Variants in GPC5 observed in about 807,000 individuals in gnomAD.
The protein encoded by GPC5 is glypican 5.
A neutral mutation model predicts 53.9 loss-of-function variants in GPC5; 47 were observed. The ratio of observed to expected loss-of-function variants is 0.87; its 90% confidence interval spans 0.69 to 1.11. The LOEUF (loss-of-function observed/expected upper bound fraction) is 1.11. Ranked by LOEUF, GPC5 falls within the 50% of genes most tolerant of loss-of-function variation. The pLI, the probability that GPC5 is intolerant of heterozygous loss-of-function variation, is 0.00. For synonymous variants in GPC5, 286 were observed against 263.3 expected (o/e 1.09, Z -0.84); for missense variants, 748 against 713.1 (o/e 1.05, Z -0.56).
chr13:92,776,038 T>C (rs2138755038), intron 7 of GPC5, among the ~76,000 whole-genome samples: 1 of 152,312 alleles, frequency 6.6e-6, no homozygotes, highest in South Asian at 2.1e-4. Flanking sequence ...CACCACAAAC[T>C]TAGTGGCTTA....
At chr13:91,511,161 G>A (rs1885211968) in intron 2 of GPC5, among the ~76,000 whole-genome samples, 1 of 152,072 alleles carries the variant, frequency 6.6e-6, no homozygotes, top group Admixed American at 6.6e-5. Context: ...ATTCCAATAT[G>A]ATGTTTCTTT....
intron 2 of GPC5, among the ~76,000 whole-genome samples, chr13:91,589,368 G>GT (rs1334450846): frequency 6.6e-6 from 1 of 151,436 alleles, no homozygotes; most frequent in Non-Finnish European, 1.5e-5. Flanking sequence ...CCCACCACCT[G>GT]TTTCTAGATC....
At chr13:91,589,084 A>T (rs1275781211) in intron 2 of GPC5, among the ~76,000 whole-genome samples, 1 of 152,122 alleles carries the variant, frequency 6.6e-6, no homozygotes, top group Non-Finnish European at 1.5e-5. Flanking sequence ...AAAGATCACC[A>T]ATAAAGCTTT....
In GPC5 at chr13:91,947,810, A is replaced by T. The variant is rs1187191726; in HGVS notation, c.1401+39753A>T. Among the ~76,000 whole-genome samples the T allele has an allele frequency of 2.6e-5, 4 of 152,072 alleles. No homozygotes were observed. In the East Asian group the frequency reaches 7.7e-4, roughly 29 times the overall value. The stretch of plus-strand genomic sequence containing the variant: ...AGGAGCAGAGTTTCCCGTCCCCCCA[A>T]CCCCTGCAGCAACAGCAACCCAGAG... On this transcript the variant is annotated intron_variant, in intron 6 of 7. Coordinates refer to ENST00000377067, the MANE Select transcript of GPC5 (RefSeq NM_004466.6).
chr13:92,700,854 G>T (rs1031199068), intron 7 of GPC5, among the ~76,000 whole-genome samples: 6 of 152,100 alleles, frequency 3.9e-5, no homozygotes, highest in African/African-American at 1.2e-4. Flanking sequence ...AAATAGTTTA[G>T]CTGCAAAATT....
At chr13:92,775,656 A>G (rs1388327808) in intron 7 of GPC5, among the ~76,000 whole-genome samples, 1 of 151,608 alleles carries the variant, frequency 6.6e-6, no homozygotes, top group African/African-American at 2.4e-5. Context: ...TTGTCTCAGT[A>G]AAAACCTTAT....
intron 7 of GPC5, among the ~76,000 whole-genome samples, chr13:92,287,672 A>G (rs900156353): frequency 6.6e-6 from 1 of 152,104 alleles, no homozygotes. Flanking sequence ...TACACATGAC[A>G]AGTTGCTTTT....
chr13:91,756,488 G>A, intron 5 of GPC5, 68 bp downstream of exon 5: 7 of 1,347,252 alleles, frequency 5.2e-6, no homozygotes, highest in Non-Finnish European at 7.0e-6. Flanking sequence ...GAATCTTAAG[G>A]GGATTAATTC....
intron 5 of GPC5, among the ~76,000 whole-genome samples, chr13:91,829,135 T>C (rs373466018): frequency 9.9e-5 from 15 of 152,070 alleles, no homozygotes; most frequent in African/African-American, 2.7e-4. Context: ...CCTGACATGA[T>C]GTACTAAGAA....
chr13:91,939,787 G>T (rs1276778339), intron 6 of GPC5, among the ~76,000 whole-genome samples: 2 of 152,052 alleles, frequency 1.3e-5, no homozygotes, highest in Non-Finnish European at 2.9e-5. Flanking sequence ...CTGAAGAAGG[G>T]GTTGAAGGAG....
intron 4 of GPC5, among the ~76,000 whole-genome samples, chr13:91,729,456 T>G (rs1354674135): frequency 1.3e-5 from 2 of 152,218 alleles, no homozygotes. Flanking sequence ...GAATTTTATA[T>G]TCATTTAGTA....
At chr13:92,742,095 T>A (rs1446629099) in intron 7 of GPC5, among the ~76,000 whole-genome samples, 1 of 151,752 alleles carries the variant, frequency 6.6e-6, no homozygotes, top group Admixed American at 6.6e-5. Flanking sequence ...TTTGGGTATA[T>A]ACCCAGTAAT....
intron 6 of GPC5, among the ~76,000 whole-genome samples, chr13:92,082,250 C>T (rs1245900327): frequency 6.6e-6 from 1 of 151,942 alleles, no homozygotes; most frequent in Non-Finnish European, 1.5e-5. Context: ...TTGTATTAGG[C>T]AACAAAATGG....
chr13:91,597,178 T>G (rs1033500391), intron 2 of GPC5, among the ~76,000 whole-genome samples: 4 of 152,220 alleles, frequency 2.6e-5, no homozygotes, highest in African/African-American at 9.6e-5. Flanking sequence ...TGAAAATCAT[T>G]GGTTCCCATA....
chr13:91,849,686 C>T (rs1265702287), intron 5 of GPC5, among the ~76,000 whole-genome samples: 1 of 152,092 alleles, frequency 6.6e-6, no homozygotes, highest in African/African-American at 2.4e-5. Context: ...TTTCAGGTAC[C>T]TTCAAATGGC....
chr13:92,492,405 A>T (rs1879801294), intron 7 of GPC5, among the ~76,000 whole-genome samples: 1 of 152,006 alleles, frequency 6.6e-6, no homozygotes, highest in African/African-American at 2.4e-5. Context: ...TGAGGAGTTA[A>T]TGGGTGCAGC....
chr13:92,250,119 T>C (rs1427751490), intron 7 of GPC5, among the ~76,000 whole-genome samples: 1 of 152,010 alleles, frequency 6.6e-6, no homozygotes, highest in East Asian at 1.9e-4. Flanking sequence ...TACAGCTCCA[T>C]AAACACTTAC....
At chr13:92,767,019 C>T (rs1705390858) in intron 7 of GPC5, among the ~76,000 whole-genome samples, 1 of 152,186 alleles carries the variant, frequency 6.6e-6, no homozygotes, top group African/African-American at 2.4e-5. Flanking sequence ...TGGGCTGGAG[C>T]ATATCTATTG....
At chr13:91,976,299 G>C (rs1159241143) in intron 6 of GPC5, among the ~76,000 whole-genome samples, 1 of 152,116 alleles carries the variant, frequency 6.6e-6, no homozygotes. Context: ...TAAAAAAATA[G>C]TGAAAACATC....
Sources: allele counts gnomAD v4.1 joint callset (sites outside exome capture counted in the v4.1 genomes callset), GRCh38; gene constraint gnomAD v4.1.1; transcripts MANE v1.5; gene names NCBI Gene and HGNC (gene_info 2026-07-23, HGNC 2026-07-21).